The following ERC1 variants were observed in gnomAD, a reference collection of about 807,000 sequenced individuals.
ERC1 encodes the protein RAB6 interacting protein 2.
ERC1 carries 56 observed loss-of-function variants against 132.0 expected under a neutral mutation model. The observed-to-expected ratio is 0.42, with a 90% confidence interval of 0.34 to 0.53. The LOEUF is 0.53. ERC1 is among the 20% of genes least tolerant of loss of function. The probability of loss-of-function intolerance (pLI) is 0.03; values close to 1 mark genes in which losing one functional copy is unlikely to be tolerated. For synonymous variants in ERC1, 478 were observed against 476.1 expected (o/e 1.00, Z -0.05); for missense variants, 1,202 against 1,349.9 (o/e 0.89, Z 1.72).
In ERC1 at chr12:1,026,922, A is replaced by C. The variant is rs146159612; in HGVS notation, c.-156-826A>C. On this transcript the variant is annotated intron_variant, in intron 1 of 18. Transcript: ENST00000360905. ...CCTTCAACACCTGTGAAAGGAAGGG[A>C]TCTATAGCTGGTTAGCAAAATCCTG... Among the ~76,000 whole-genome samples the C allele has an allele frequency of 1.8e-4, 27 of 152,306 alleles. No homozygotes were observed. The East Asian group carries it at 4.6e-3, about 26-fold the overall frequency.
At chr12:1,048,703 G>A (rs937421252) in intron 2 of ERC1, among the ~76,000 whole-genome samples, 1 of 151,906 alleles carries the variant, frequency 6.6e-6, no homozygotes, top group African/African-American at 2.4e-5. Flanking sequence ...TTTTTTGGTG[G>A]CAAATTTATT....
chr12:1,293,856 T>A (rs1295287671), intron 15 of ERC1, among the ~76,000 whole-genome samples: 1 of 152,262 alleles, frequency 6.6e-6, no homozygotes, highest in Non-Finnish European at 1.5e-5. Context: ...AAAAGCCATT[T>A]TTTTTAAGTC....
intron 18 of ERC1, among the ~76,000 whole-genome samples, chr12:1,457,562 T>C (rs997530040): frequency 5.9e-5 from 9 of 152,190 alleles, no homozygotes; most frequent in Non-Finnish European, 1.0e-4. Flanking sequence ...GGAATAAATT[T>C]TCAAGTCTTT....
At chr12:1,098,625 C>T (rs1944321945) in intron 3 of ERC1, among the ~76,000 whole-genome samples, 2 of 152,188 alleles carry the variant, frequency 1.3e-5, no homozygotes, top group Admixed American at 1.3e-4. Context: ...TCATCAGAGT[C>T]ACCAGATGAT....
At chr12:1,183,450 C>G (rs1305119828) in intron 11 of ERC1, 29 bp downstream of exon 11, 1 of 1,529,096 alleles carries the variant, frequency 6.5e-7, no homozygotes. Flanking sequence ...CATTTTTTTG[C>G]TTTGCCTTAA....
chr12:1,325,673 A>C (rs1011585227), intron 15 of ERC1, among the ~76,000 whole-genome samples: 3 of 152,170 alleles, frequency 2.0e-5, no homozygotes, highest in African/African-American at 7.2e-5. Context: ...AATTCTTAGA[A>C]TTGACCATGC....
intron 8 of ERC1, among the ~76,000 whole-genome samples, chr12:1,144,099 A>G (rs1056438700): frequency 7.2e-5 from 11 of 152,164 alleles, no homozygotes; most frequent in African/African-American, 1.7e-4. Flanking sequence ...ACCACACTAC[A>G]TGATACTGGA....
intron 2 of ERC1, among the ~76,000 whole-genome samples, chr12:1,069,581 T>C (rs1178944032): frequency 2.0e-5 from 3 of 152,196 alleles, no homozygotes; most frequent in African/African-American, 7.2e-5. Flanking sequence ...ATTATTCGTA[T>C]AGTGGAATTC....
intron 18 of ERC1, among the ~76,000 whole-genome samples, chr12:1,474,268 A>G (rs1346404370): frequency 6.6e-6 from 1 of 152,168 alleles, no homozygotes; most frequent in East Asian, 1.9e-4. Context: ...CTTAAACCAA[A>G]CTAGGCATTT....
At chr12:1,025,083 T>TG (rs1966843170) in intron 1 of ERC1, among the ~76,000 whole-genome samples, 1 of 152,146 alleles carries the variant, frequency 6.6e-6, no homozygotes, top group African/African-American at 2.4e-5. Context: ...GGGGCAGTCT[T>TG]GGATATCTGG....
At chr12:1,220,310 G>C (rs1050539147) in intron 12 of ERC1, among the ~76,000 whole-genome samples, 1 of 152,136 alleles carries the variant, frequency 6.6e-6, no homozygotes, top group Non-Finnish European at 1.5e-5. Context: ...CAATATGTTT[G>C]TTGAGGGTGG....
intron 1 of ERC1, among the ~76,000 whole-genome samples, chr12:1,020,486 C>G (rs1243704189): frequency 6.6e-6 from 1 of 152,068 alleles, no homozygotes; most frequent in African/African-American, 2.4e-5. Context: ...AAACAAACAT[C>G]TCAGATTTTA....
intron 11 of ERC1, among the ~76,000 whole-genome samples, chr12:1,186,943 G>T (rs1428394049): frequency 1.3e-5 from 2 of 152,158 alleles, no homozygotes; most frequent in African/African-American, 2.4e-5. Flanking sequence ...CAATTCTTGT[G>T]CCACAGCCTC....
intron 18 of ERC1, among the ~76,000 whole-genome samples, chr12:1,489,532 A>G (rs1039397965): frequency 3.3e-5 from 5 of 152,246 alleles, no homozygotes; most frequent in African/African-American, 1.2e-4. Flanking sequence ...AAATGCTTGA[A>G]GGAATGTGAA....
chr12:1,276,533 C>T (rs542457192), intron 14 of ERC1, among the ~76,000 whole-genome samples: 1 of 152,092 alleles, frequency 6.6e-6, no homozygotes, highest in East Asian at 1.9e-4. Flanking sequence ...GCCACTGTGC[C>T]CAGCCTCTCA....
chr12:1,348,393 T>A (rs2084682513), intron 15 of ERC1, among the ~76,000 whole-genome samples: 1 of 151,896 alleles, frequency 6.6e-6, no homozygotes. Flanking sequence ...GGGGAAAAAA[T>A]GTATAATGTC....
chr12:1,081,823 T>G (rs1322976472), intron 2 of ERC1, among the ~76,000 whole-genome samples: 2 of 152,048 alleles, frequency 1.3e-5, no homozygotes, highest in Non-Finnish European at 2.9e-5. Flanking sequence ...CACTTAAAAG[T>G]TGTTAGGAAA....
At chr12:1,134,630 G>A (rs1483509728) in intron 7 of ERC1, among the ~76,000 whole-genome samples, 1 of 151,930 alleles carries the variant, frequency 6.6e-6, no homozygotes, top group Non-Finnish European at 1.5e-5. Context: ...GGGATTACAG[G>A]TGTGAGCCAC....
intron 3 of ERC1, among the ~76,000 whole-genome samples, chr12:1,093,724 G>T (rs1943548552): frequency 6.6e-6 from 1 of 151,566 alleles, no homozygotes; most frequent in South Asian, 2.1e-4. Flanking sequence ...AATCTTTGAG[G>T]TTAAAAGTGC....
Sources: allele counts gnomAD v4.1 joint callset (sites outside exome capture counted in the v4.1 genomes callset), GRCh38; gene constraint gnomAD v4.1.1; transcripts MANE v1.5; gene names NCBI Gene and HGNC (gene_info 2026-07-23, HGNC 2026-07-21).